ZFAT: variants seen among roughly 807,000 people sequenced by gnomAD.
ZFAT encodes zinc finger and AT-hook domain containing.
ZFAT carries 64 observed loss-of-function variants against 117.7 expected under a neutral mutation model. That is an observed-to-expected ratio of 0.54 (90% CI 0.44 to 0.67). ZFAT has a LOEUF of 0.67. Among genes scored for constraint, ZFAT ranks in the 30% least tolerant of loss-of-function variants. ZFAT has a pLI of 0.00. For synonymous variants in ZFAT, 679 were observed against 615.0 expected, an observed-to-expected ratio of 1.10 and a Z score of -1.54; for missense variants, 1,433 against 1,584.5, an observed-to-expected ratio of 0.90 and a Z score of 1.62.
chr8:134,576,989 T>C (rs1389890192), intron 10 of ZFAT, among the ~76,000 whole-genome samples: 1 of 152,244 alleles, frequency 6.6e-6, no homozygotes, highest in African/African-American at 2.4e-5. Flanking sequence ...GATTCCTGTT[T>C]GATTACATAA....
intron 13 of ZFAT, among the ~76,000 whole-genome samples, chr8:134,517,257 T>C (rs1820319705): frequency 6.6e-6 from 1 of 152,186 alleles, no homozygotes; most frequent in Admixed American, 6.5e-5. Flanking sequence ...TTTTTAAGTT[T>C]AATTTTGTTA....
chr8:134,582,346 C>T (rs1475659822), intron 10 of ZFAT, among the ~76,000 whole-genome samples: 10 of 152,216 alleles, frequency 6.6e-5, no homozygotes, highest in Admixed American at 6.5e-4. Context: ...ACCCTGTCAC[C>T]GTGGCCTACT....
chr8:134,623,151 C>T (rs981214599), intron 3 of ZFAT, among the ~76,000 whole-genome samples: 7 of 152,166 alleles, frequency 4.6e-5, no homozygotes, highest in Non-Finnish European at 8.8e-5. Flanking sequence ...CCTCCTTCCA[C>T]TGATACTGCT....
intron 2 of ZFAT, among the ~76,000 whole-genome samples, chr8:134,642,893 G>A (rs1158041839): frequency 6.6e-6 from 1 of 152,184 alleles, no homozygotes; most frequent in Admixed American, 6.5e-5. Context: ...TCATAAATAG[G>A]GGAACACAAG....
intron 11 of ZFAT, among the ~76,000 whole-genome samples, chr8:134,538,948 A>G (rs940978655): frequency 4.6e-5 from 7 of 152,212 alleles, no homozygotes; most frequent in African/African-American, 1.7e-4. Flanking sequence ...TCACCACCAT[A>G]GTATGAGTAT....
chr8:134,716,641 G>C (rs867742324), upstream of ZFAT, among the ~76,000 whole-genome samples: 3 of 152,204 alleles, frequency 2.0e-5, no homozygotes, highest in South Asian at 6.2e-4. Flanking sequence ...TGCTGGGTTA[G>C]TGCTGAAAGG....
chr8:134,611,197 G>C (rs994167635), intron 3 of ZFAT, among the ~76,000 whole-genome samples: 1 of 152,222 alleles, frequency 6.6e-6, no homozygotes, highest in Admixed American at 6.5e-5. Flanking sequence ...AATGAGCAAG[G>C]GTCTGAGATG....
chr8:134,597,764 A>T (rs975216216), intron 7 of ZFAT: 2 of 152,156 alleles, frequency 1.3e-5, no homozygotes, highest in African/African-American at 4.8e-5. Flanking sequence ...CACCTTTAAA[A>T]GCGTTTCTGC....
intron 12 of ZFAT, among the ~76,000 whole-genome samples, chr8:134,528,060 G>C (rs1821146972): frequency 6.6e-6 from 1 of 152,180 alleles, no homozygotes. Context: ...AATTGCTTAA[G>C]AGATGACCAC....
At chr8:134,566,919 G>C (rs1326112981) in intron 10 of ZFAT, among the ~76,000 whole-genome samples, 1 of 152,134 alleles carries the variant, frequency 6.6e-6, no homozygotes, top group Non-Finnish European at 1.5e-5. Flanking sequence ...GAGTACCCCT[G>C]AGGCATTCCC....
chr8:134,636,787 C>T (rs1376080370), intron 3 of ZFAT, among the ~76,000 whole-genome samples: 1 of 152,216 alleles, frequency 6.6e-6, no homozygotes, highest in East Asian at 1.9e-4. Context: ...ACACACTACC[C>T]CACAGCAACT....
At chr8:134,496,168 T>C in intron 15 of ZFAT, among the ~76,000 whole-genome samples, 1 of 152,246 alleles carries the variant, frequency 6.6e-6, no homozygotes, top group Middle Eastern at 3.2e-3. Flanking sequence ...GGCTTCATTT[T>C]GCATAATTAG....
chr8:134,564,810 T>C (rs535238065), intron 11 of ZFAT, among the ~76,000 whole-genome samples: 1 of 152,292 alleles, frequency 6.6e-6, no homozygotes, highest in South Asian at 2.1e-4. Flanking sequence ...AAGCAAGCAT[T>C]ACCACCTACA....
intron 3 of ZFAT, among the ~76,000 whole-genome samples, chr8:134,623,703 A>G (rs1266139340): frequency 6.6e-6 from 1 of 152,126 alleles, no homozygotes; most frequent in Non-Finnish European, 1.5e-5. Flanking sequence ...TCACTGCATC[A>G]GCCTCCTCTG....
the ZFAT span, among the ~76,000 whole-genome samples, chr8:134,824,618 CT>C: frequency 6.6e-6 from 1 of 152,188 alleles, no homozygotes; most frequent in Non-Finnish European, 1.5e-5. Flanking sequence ...ATATGTTCTA[CT>C]TACTTCATGC....
chr8:134,671,874 T>C (rs982097005), intron 1 of ZFAT, among the ~76,000 whole-genome samples: 6 of 152,134 alleles, frequency 3.9e-5, no homozygotes, highest in African/African-American at 1.4e-4. Context: ...CAGCCCAAAA[T>C]CTCCTTAAGC....
chr8:134,813,811 C>T, the ZFAT span, among the ~76,000 whole-genome samples: 1 of 142,270 alleles, frequency 7.0e-6, no homozygotes, highest in Non-Finnish European at 1.5e-5. Context: ...TACACACACA[C>T]ACACACACAC....
the ZFAT span, among the ~76,000 whole-genome samples, chr8:134,753,651 A>G: frequency 9.4e-4 from 143 of 152,368 alleles, no homozygotes; most frequent in African/African-American, 3.3e-3. Flanking sequence ...GAATGAACCA[A>G]TAAATGCTTG....
At chr8:134,802,383 T>C in the ZFAT span, among the ~76,000 whole-genome samples, 1 of 152,182 alleles carries the variant, frequency 6.6e-6, no homozygotes, top group Non-Finnish European at 1.5e-5. Context: ...TCACAGAACA[T>C]GCTCGACGCA....
Sources: gnomAD v4.1 joint callset for allele counts (sites outside exome capture counted in the v4.1 genomes callset) on GRCh38, gnomAD v4.1.1 for gene constraint, MANE v1.5 for transcripts, NCBI Gene and HGNC (gene_info 2026-07-23, HGNC 2026-07-21) for gene names.